The following NEK7 variants were observed in gnomAD, a reference collection of about 807,000 sequenced individuals.
NEK7 encodes NIMA related kinase 7, also known as serine/threonine-protein kinase Nek7.
NEK7 carries 18 observed loss-of-function variants against 44.6 expected under a neutral mutation model. The observed-to-expected ratio is 0.40, with a 90% CI of 0.28 to 0.60. The LOEUF is 0.60. Among genes scored for constraint, NEK7 ranks in the 20% least tolerant of loss-of-function variants. NEK7 has a pLI of 0.38. For missense variants in NEK7, 256 were observed against 366.5 expected, an observed-to-expected ratio of 0.70 and a Z score of 2.46; for synonymous variants, 130 against 121.1, an observed-to-expected ratio of 1.07 and a Z score of -0.48.
intron 3 of NEK7, among the ~76,000 whole-genome samples, chr1:198,257,151 T>C (rs960151799): frequency 3.3e-5 from 5 of 152,190 alleles, no homozygotes; most frequent in African/African-American, 1.2e-4. Context: ...CAGTGAGTTT[T>C]TTTTAGGAAG....
chr1:198,231,927 G>A (rs1295225881), intron 1 of NEK7, among the ~76,000 whole-genome samples: 1 of 152,070 alleles, frequency 6.6e-6, no homozygotes, highest in Non-Finnish European at 1.5e-5. Flanking sequence ...CAGTGCAAAT[G>A]TAGTTCCTGG....
At chr1:198,181,500 C>T (rs1664766445) in intron 1 of NEK7, among the ~76,000 whole-genome samples, 1 of 151,996 alleles carries the variant, frequency 6.6e-6, no homozygotes, top group Non-Finnish European at 1.5e-5. Flanking sequence ...GAATCTAACA[C>T]CTTCACTTAG....
At position 198,172,102 on chromosome 1, in the gene NEK7, C is replaced by T. The variant is rs1664467510; in HGVS notation, c.-29+14826C>T. Among the ~76,000 whole-genome samples, 4 of 152,110 alleles carry T rather than the reference C, an allele frequency of 2.6e-5. No individual in the cohort carries two copies. In the South Asian group the frequency reaches 8.3e-4, roughly 32 times the overall value. On this transcript the variant is annotated intron_variant, in intron 1 of 9. Coordinates refer to ENST00000367385, the MANE Select transcript of NEK7 (RefSeq NM_133494.3). ...TAGACATATCAGTAATGCTGAAAAACAAAACAAAACAAACAAAAACGAGTT... is the reference window on the plus strand; with the variant it reads ...TAGACATATCAGTAATGCTGAAAAATAAAACAAAACAAACAAAAACGAGTT...
At chr1:198,271,761 A>G (rs1284353594) in intron 5 of NEK7, among the ~76,000 whole-genome samples, 1 of 151,732 alleles carries the variant, frequency 6.6e-6, no homozygotes, top group East Asian at 1.9e-4. Context: ...GTTTCCCACT[A>G]AGTCTTTTGT....
chr1:198,279,087 C>G (rs776421947), intron 7 of NEK7, 26 bp downstream of exon 7: 4 of 1,365,062 alleles, frequency 2.9e-6, no homozygotes, highest in Non-Finnish European at 4.2e-6. Context: ...TAATTTCATT[C>G]AGTTACTTTG....
intron 1 of NEK7, among the ~76,000 whole-genome samples, chr1:198,166,986 C>T (rs1327562590): frequency 1.3e-5 from 2 of 152,212 alleles, no homozygotes; most frequent in Non-Finnish European, 2.9e-5. Context: ...CAAATTATTA[C>T]AAACTAGATG....
At chr1:198,222,647 G>C (rs1237104852) in intron 1 of NEK7, among the ~76,000 whole-genome samples, 1 of 151,986 alleles carries the variant, frequency 6.6e-6, no homozygotes. Flanking sequence ...TGCTAACATC[G>C]ATCCTCTATT....
chr1:198,194,498 T>TGTTGTTTCCCTCTATGTGTCC (rs576220966), intron 1 of NEK7, among the ~76,000 whole-genome samples: 22,011 of 151,166 alleles, frequency 0.15, 1,771 homozygotes, highest in East Asian at 0.22. Flanking sequence ...TCTATGTGTC[T>TGTTGTTTCCCTCTATGTGTCC]GTTGTTTCCC....
At chr1:198,201,460 G>A (rs1044437673) in intron 1 of NEK7, among the ~76,000 whole-genome samples, 2 of 151,984 alleles carry the variant, frequency 1.3e-5, no homozygotes, top group African/African-American at 4.8e-5. Context: ...TATTTTTATG[G>A]CTGCTTTGCC....
rs114969446 is a variant in NEK7, at chr1:198,234,691, C to T, written c.57+2054C>T. On this transcript the variant is annotated intron_variant, in intron 2 of 9. Transcript: ENST00000367385. Reference sequence around the variant, plus strand: ...AGTATAAATTTCAAAATTATAGCAGCGATTCTGCATTTCTTTTTACACTGT... The same window carrying T: ...AGTATAAATTTCAAAATTATAGCAGTGATTCTGCATTTCTTTTTACACTGT... 3.4e-3 allele frequency among the ~76,000 whole-genome samples: 518 copies of T among 152,264 alleles called. 2 individuals are homozygous for T. Among genetic ancestry groups the T allele is most frequent in the African/African-American group, 0.012 (481 of 41,544 alleles).
intron 9 of NEK7, among the ~76,000 whole-genome samples, chr1:198,311,572 G>T (rs952525480): frequency 6.6e-6 from 1 of 151,852 alleles, no homozygotes; most frequent in Admixed American, 6.6e-5. Context: ...TTGGCTGTGG[G>T]TTTGTCATAG....
chr1:198,162,041 G>C (rs952183893), intron 1 of NEK7, among the ~76,000 whole-genome samples: 2 of 152,102 alleles, frequency 1.3e-5, no homozygotes, highest in Non-Finnish European at 2.9e-5. Context: ...ATTGGAAAGA[G>C]CCTGTGCTTT....
chr1:198,196,867 G>A (rs771791777), intron 1 of NEK7, among the ~76,000 whole-genome samples: 10 of 152,328 alleles, frequency 6.6e-5, no homozygotes, highest in Non-Finnish European at 1.2e-4. Context: ...GGGAATGGAC[G>A]TGGGGTTGGT....
chr1:198,171,860 GTGTCT>G (rs1443466438), intron 1 of NEK7, among the ~76,000 whole-genome samples: 1 of 152,080 alleles, frequency 6.6e-6, no homozygotes, highest in African/African-American at 2.4e-5. Flanking sequence ...CTCACCTTGA[GTGTCT>G]TCTCTACAAG....
intron 1 of NEK7, among the ~76,000 whole-genome samples, chr1:198,162,579 T>A (rs1383987476): frequency 6.6e-6 from 1 of 152,092 alleles, no homozygotes; most frequent in African/African-American, 2.4e-5. Context: ...TTCACTTACT[T>A]CTCTATTCTT....
chr1:198,186,898 C>T (rs377737601), intron 1 of NEK7, among the ~76,000 whole-genome samples: 5 of 152,140 alleles, frequency 3.3e-5, no homozygotes, highest in African/African-American at 9.6e-5. Context: ...ATTTAGCTCC[C>T]TTCCTTATGG....
At chr1:198,228,299 T>C (rs76452362) in intron 1 of NEK7, among the ~76,000 whole-genome samples, 77,905 of 151,940 alleles carry the variant, frequency 0.51, 23,263 homozygotes, top group East Asian at 0.9. Flanking sequence ...AGTCAGGTAG[T>C]GTGATGCCTC....
intron 1 of NEK7, among the ~76,000 whole-genome samples, chr1:198,218,171 A>C (rs532805082): frequency 6.6e-6 from 1 of 152,102 alleles, no homozygotes; most frequent in Non-Finnish European, 1.5e-5. Flanking sequence ...TTCAAATCAT[A>C]CTACAAGGCT....
chr1:198,280,206 G>A (rs1654152065), intron 7 of NEK7, among the ~76,000 whole-genome samples: 1 of 152,012 alleles, frequency 6.6e-6, no homozygotes, highest in Admixed American at 6.6e-5. Context: ...GGAAGTTACA[G>A]TACATGCAAT....
Sources: allele counts gnomAD v4.1 joint callset (sites outside exome capture counted in the v4.1 genomes callset), GRCh38; gene constraint gnomAD v4.1.1; transcripts MANE v1.5; gene names NCBI Gene and HGNC (gene_info 2026-07-23, HGNC 2026-07-21).